Variants in LASP1 observed in about 807,000 individuals in gnomAD.
LASP1 encodes LIM and SH3 protein 1, also known as LIM and SH3 domain protein 1.
A neutral mutation model predicts 38.6 loss-of-function variants in LASP1; 10 were observed. The observed-to-expected ratio is 0.26, with a 90% CI of 0.16 to 0.44. The LOEUF (loss-of-function observed/expected upper bound fraction) is 0.44. LASP1 is among the 20% of genes least tolerant of loss of function. The pLI is 1.00. For synonymous variants in LASP1, 132 were observed against 140.8 expected, an observed-to-expected ratio of 0.94 and a Z score of 0.44; for missense variants, 243 against 375.7, an observed-to-expected ratio of 0.65 and a Z score of 2.92.
At chr17:38,883,309 G>A (rs2143748164) in intron 2 of LASP1, among the ~76,000 whole-genome samples, 1 of 152,278 alleles carries the variant, frequency 6.6e-6, no homozygotes, top group Non-Finnish European at 1.5e-5. Flanking sequence ...GAGTCTGGGA[G>A]GTTGAGGCTG....
intron 3 of LASP1, among the ~76,000 whole-genome samples, chr17:38,897,979 T>C (rs1914534982): frequency 6.6e-6 from 1 of 152,192 alleles, no homozygotes. Context: ...CCAGACAGGA[T>C]GGGCAGGGAG....
At chr17:38,910,011 G>T (rs1216039037) in intron 4 of LASP1, among the ~76,000 whole-genome samples, 1 of 152,224 alleles carries the variant, frequency 6.6e-6, no homozygotes, top group East Asian at 1.9e-4. Flanking sequence ...ACCTCCCAAA[G>T]TGCTGGGATT....
At chr17:38,910,439 T>C (rs1029979321) in intron 4 of LASP1, among the ~76,000 whole-genome samples, 8 of 152,104 alleles carry the variant, frequency 5.3e-5, no homozygotes, top group African/African-American at 9.7e-5. Flanking sequence ...TTATTCCTCT[T>C]TTGGTTCTTC....
At chr17:38,907,261 C>T (rs112752627) in intron 4 of LASP1, among the ~76,000 whole-genome samples, 2 of 152,242 alleles carry the variant, frequency 1.3e-5, no homozygotes, top group Non-Finnish European at 1.5e-5. Flanking sequence ...CGCTCTGTGC[C>T]GCCTGTCCTG....
At chr17:38,908,199 G>A (rs1025553826) in intron 4 of LASP1, among the ~76,000 whole-genome samples, 1 of 152,242 alleles carries the variant, frequency 6.6e-6, no homozygotes, top group African/African-American at 2.4e-5. Context: ...CACCTTCGGG[G>A]CCCAGGGCAG....
chr17:38,878,858 A>G (rs745398183), intron 2 of LASP1, among the ~76,000 whole-genome samples: 5 of 152,138 alleles, frequency 3.3e-5, no homozygotes, highest in Non-Finnish European at 7.4e-5. Context: ...CATCTTGAGT[A>G]TAGTGCAGCT....
intron 3 of LASP1, among the ~76,000 whole-genome samples, chr17:38,896,217 AG>A (rs1389615925): frequency 6.6e-6 from 1 of 151,562 alleles, no homozygotes; most frequent in Non-Finnish European, 1.5e-5. Context: ...CCTTTCAAAG[AG>A]CCTCCCTGTC....
chr17:38,882,861 G>A (rs907893530), intron 2 of LASP1, among the ~76,000 whole-genome samples: 15 of 152,148 alleles, frequency 9.9e-5, no homozygotes, highest in African/African-American at 3.6e-4. Flanking sequence ...TGGGGGACTT[G>A]GTTGCACCTT....
chr17:38,912,125 T>C (rs888626621), intron 4 of LASP1, among the ~76,000 whole-genome samples: 2 of 152,160 alleles, frequency 1.3e-5, no homozygotes, highest in African/African-American at 4.8e-5. Flanking sequence ...GTGTAGTTCT[T>C]GCTGCCTCAA....
intron 4 of LASP1, among the ~76,000 whole-genome samples, chr17:38,905,509 C>T (rs934029083): frequency 6.8e-5 from 9 of 132,922 alleles, no homozygotes; most frequent in Admixed American, 1.7e-4. Context: ...CCAGCCTGGG[C>T]GACAGAGTGA....
Position 38,898,457 on chromosome 17 carries a change from A to G in LASP1, c.295A>G (p.Ser99Gly). ...EFEKNKGKGF[S>G]VVADTPELQR... ...TGAGAAGAACAAGGGCAAAGGTTTC[A>G]GCGTAGTGGCAGACACGCCCGAGCT... Residue 99 changes from serine (S) to glycine (G), a missense_variant, in exon 4 of 7, where the codon AGC becomes GGC. Physicochemically the swap from Ser to Gly is moderately conservative, Grantham distance 56 (BLOSUM62 0). Around this residue, in one of 4 missense-constraint regions of LASP1, gnomAD observed 33 missense variants for 39.8 expected, o/e 0.83. Transcript: ENST00000318008. The G allele has an allele frequency of 1.3e-6, 2 of 1,551,644 alleles. No homozygotes were observed. The highest frequency in any genetic ancestry group is 1.7e-6 in the Non-Finnish European group (2 of 1,146,910).
chr17:38,892,974 C>T (rs1261224923), intron 3 of LASP1, among the ~76,000 whole-genome samples: 2 of 150,680 alleles, frequency 1.3e-5, no homozygotes, highest in African/African-American at 2.4e-5. Context: ...TGTGTGTGTG[C>T]GTGTGCACGC....
chr17:38,877,925 G>A (rs558219379), intron 1 of LASP1, among the ~76,000 whole-genome samples, 161 bp from the exon 2 acceptor site: 2 of 152,276 alleles, frequency 1.3e-5, no homozygotes, highest in East Asian at 3.9e-4. Context: ...CAAAGCCTGT[G>A]ACCTGAAATG....
At chr17:38,873,580 G>T (rs955690196) in intron 1 of LASP1, among the ~76,000 whole-genome samples, 1 of 152,204 alleles carries the variant, frequency 6.6e-6, no homozygotes, top group Non-Finnish European at 1.5e-5. Context: ...TGTGCCAAAA[G>T]TAGGTCCCAT....
At chr17:38,889,279 C>T (rs531249956) in intron 2 of LASP1, among the ~76,000 whole-genome samples, 4 of 152,220 alleles carry the variant, frequency 2.6e-5, no homozygotes, top group East Asian at 1.9e-4. Flanking sequence ...TATAGGCGCA[C>T]GCCATCACAC....
chr17:38,914,881 C>A, intron 5 of LASP1, 162 bp from the exon 6 acceptor site: 1 of 678,650 alleles, frequency 1.5e-6, no homozygotes, highest in Non-Finnish European at 2.6e-6. Flanking sequence ...TGGGATACAA[C>A]ACACAGGCAA....
intron 3 of LASP1, among the ~76,000 whole-genome samples, chr17:38,897,767 T>G (rs1914527989): frequency 1.3e-5 from 2 of 152,182 alleles, no homozygotes; most frequent in Admixed American, 1.3e-4. Flanking sequence ...GCGGGGCCTG[T>G]CAAAGGCGCA....
chr17:38,885,853 T>G (rs889955500), intron 2 of LASP1, among the ~76,000 whole-genome samples: 1 of 151,664 alleles, frequency 6.6e-6, no homozygotes, highest in Non-Finnish European at 1.5e-5. Flanking sequence ...TGGAGGGAGG[T>G]CAAATCAGTT....
chr17:38,898,363 C>T lies in LASP1; in HGVS notation c.250-49C>T, dbSNP rs778720031. The T allele has an allele frequency of 5.2e-5, 73 of 1,408,142 alleles. No individual in the cohort carries two copies. In the Middle Eastern group the frequency reaches 9.1e-4, roughly 18 times the overall value. The allele number at this position is 1,408,142 out of a possible 1,614,324, so 87.2% of individuals were successfully genotyped here. On this transcript the variant is annotated intron_variant, in intron 3 of 6. Transcript: ENST00000318008. ...CCTCAGAGGGGCCCCAAGCCGAGGC[C>T]CTTTCGGCTCCTGGCCTGACTCCAA...
Sources: allele counts gnomAD v4.1 joint callset (sites outside exome capture counted in the v4.1 genomes callset), GRCh38; gene constraint gnomAD v4.1.1; regional missense constraint gnomAD v4.1.1; transcripts MANE v1.5; gene names NCBI Gene and HGNC (gene_info 2026-07-23, HGNC 2026-07-21).